The following PLCB1 variants were observed in gnomAD, a reference collection of about 807,000 sequenced individuals.
PLCB1 encodes 1-phosphatidylinositol 4,5-bisphosphate phosphodiesterase beta-1.
In PLCB1, 46 loss-of-function variants were observed where a neutral mutation model predicts 161.8. The observed-to-expected ratio is 0.28, with a 90% CI of 0.22 to 0.36. PLCB1 has a LOEUF of 0.36. Among genes scored for constraint, PLCB1 ranks in the 10% least tolerant of loss-of-function variants. The pLI is 1.00. For missense variants in PLCB1, 1,016 were observed against 1,472.5 expected (o/e 0.69, Z 5.07); for synonymous variants, 517 against 503.7 (o/e 1.03, Z -0.35).
intron 3 of PLCB1, among the ~76,000 whole-genome samples, chr20:8,553,643 A>G (rs991113097): frequency 1.3e-5 from 2 of 152,142 alleles, no homozygotes; most frequent in African/African-American, 2.4e-5. Context: ...AAGACTGAAA[A>G]ATCAAGTAAA....
chr20:8,476,435 C>T (rs994462489), intron 3 of PLCB1, among the ~76,000 whole-genome samples: 1 of 150,414 alleles, frequency 6.6e-6, no homozygotes, highest in Admixed American at 6.6e-5. Context: ...AATTTTACCT[C>T]GCTAAAACAA....
chr20:8,512,006 C>T (rs936077100), intron 3 of PLCB1, among the ~76,000 whole-genome samples: 6 of 152,002 alleles, frequency 3.9e-5, no homozygotes, highest in Non-Finnish European at 7.4e-5. Flanking sequence ...GACAGTCGCA[C>T]GTTACCACCT....
chr20:8,739,070 T>G (rs1157979466), intron 20 of PLCB1, among the ~76,000 whole-genome samples, 191 bp from the exon 21 acceptor site: 1 of 152,210 alleles, frequency 6.6e-6, no homozygotes, highest in African/African-American at 2.4e-5. Flanking sequence ...GAGAATGGCT[T>G]GAACCCAGAG....
chr20:8,216,505 CAG>C (rs1414667378), intron 2 of PLCB1, among the ~76,000 whole-genome samples: 2 of 152,086 alleles, frequency 1.3e-5, no homozygotes, highest in African/African-American at 4.8e-5. Context: ...ACTTCTAAAA[CAG>C]AGGCAGAGTT....
intron 4 of PLCB1, among the ~76,000 whole-genome samples, chr20:8,644,604 G>A (rs1242527727): frequency 1.3e-5 from 2 of 150,322 alleles, no homozygotes; most frequent in Non-Finnish European, 3.0e-5. Context: ...CCTGGCAGCT[G>A]CCCTGTCTGA....
chr20:8,661,037 G>A (rs1174678426), intron 9 of PLCB1, among the ~76,000 whole-genome samples: 4 of 152,102 alleles, frequency 2.6e-5, no homozygotes, highest in African/African-American at 9.7e-5. Flanking sequence ...AAAGCATTTG[G>A]AAAGAAGAAT....
intron 2 of PLCB1, among the ~76,000 whole-genome samples, chr20:8,151,704 T>A (rs542451561): frequency 6.6e-6 from 1 of 152,292 alleles, no homozygotes; most frequent in East Asian, 1.9e-4. Flanking sequence ...TAAAGGATAT[T>A]TTTAGAACTG....
At chr20:8,663,284 A>G (rs941358354) in intron 9 of PLCB1, among the ~76,000 whole-genome samples, 3 of 152,010 alleles carry the variant, frequency 2.0e-5, no homozygotes, top group African/African-American at 4.8e-5. Flanking sequence ...ATCAATAAAC[A>G]TATCTTAAAG....
intron 3 of PLCB1, among the ~76,000 whole-genome samples, chr20:8,566,195 C>T (rs990348914): frequency 6.6e-6 from 1 of 152,114 alleles, no homozygotes; most frequent in Non-Finnish European, 1.5e-5. Context: ...CTACTATCTA[C>T]TTAGGTATTG....
intron 2 of PLCB1, among the ~76,000 whole-genome samples, chr20:8,260,120 G>T (rs1398087026): frequency 7.0e-6 from 1 of 143,754 alleles, no homozygotes; most frequent in East Asian, 2.0e-4. Flanking sequence ...AGACAGTGTT[G>T]CCCAGACTGG....
intron 9 of PLCB1, among the ~76,000 whole-genome samples, chr20:8,681,780 C>A (rs1210235407): frequency 6.6e-6 from 1 of 152,146 alleles, no homozygotes; most frequent in East Asian, 1.9e-4. Flanking sequence ...GCAAATATTA[C>A]AAATTTCATA....
chr20:8,478,901 A>G (rs1018294136), intron 3 of PLCB1, among the ~76,000 whole-genome samples: 2 of 152,180 alleles, frequency 1.3e-5, no homozygotes, highest in African/African-American at 2.4e-5. Flanking sequence ...TGTAAACTTC[A>G]TTCATTATAC....
intron 3 of PLCB1, among the ~76,000 whole-genome samples, chr20:8,523,145 A>G (rs985821579): frequency 6.6e-6 from 1 of 151,996 alleles, no homozygotes. Flanking sequence ...ATCCTTGGAC[A>G]AAGGGGGTAG....
intron 3 of PLCB1, among the ~76,000 whole-genome samples, chr20:8,626,320 T>C (rs2123211718): frequency 6.6e-6 from 1 of 152,276 alleles, no homozygotes; most frequent in South Asian, 2.1e-4. Flanking sequence ...TGTTTTCTAC[T>C]CTGAGCACCT....
intron 10 of PLCB1, among the ~76,000 whole-genome samples, chr20:8,694,958 C>T (rs528566355): frequency 2.9e-4 from 44 of 152,288 alleles, no homozygotes; most frequent in African/African-American, 1.0e-3. Flanking sequence ...TTTGTCTTTT[C>T]CCCTTTACTC....
At chr20:8,821,075 C>T (rs1985325540) in intron 31 of PLCB1, among the ~76,000 whole-genome samples, 1 of 152,034 alleles carries the variant, frequency 6.6e-6, no homozygotes, top group South Asian at 2.1e-4. Flanking sequence ...GGTGTTTATG[C>T]TTCAATGTTC....
chr20:8,704,984 C>CTTTTTTTTTTTTTT lies in PLCB1; in HGVS notation c.1168-3673_1168-3672insTTTTTTTTTTTTTT, dbSNP rs368791318. 1.0e-4 allele frequency among the ~76,000 whole-genome samples: 12 copies of CTTTTTTTTTTTTTT among 118,800 alleles called. 1 individual carries two copies. Among genetic ancestry groups the CTTTTTTTTTTTTTT allele is most frequent in the African/African-American group, 3.3e-4 (10 of 30,148 alleles). The allele number at this position is 118,800 out of a possible 152,430, so 77.9% of individuals were successfully genotyped here. A position where few individuals can be genotyped will look rare whatever the true frequency, so the allele number is the denominator to read the frequency against. ...CAGAAACAGCAAATTCTCCTTTACT[C>CTTTTTTTTTTTTTT]TTTTTTTTTTTTTCCTATTCAGGCT... On this transcript the variant is annotated intron_variant, in intron 11 of 31. Transcript: ENST00000338037.
At chr20:8,335,776 G>A (rs74574983) in intron 2 of PLCB1, among the ~76,000 whole-genome samples, 812 of 152,336 alleles carry the variant, frequency 5.3e-3, no homozygotes, top group African/African-American at 0.018. Flanking sequence ...CATCTGTAAC[G>A]CTGCAGAAGC....
At chr20:8,680,650 C>T (rs1032218900) in intron 9 of PLCB1, among the ~76,000 whole-genome samples, 2 of 152,124 alleles carry the variant, frequency 1.3e-5, no homozygotes, top group Non-Finnish European at 1.5e-5. Context: ...TGGTAGTCTA[C>T]AATCATATTC....
Sources: allele counts gnomAD v4.1 joint callset (sites outside exome capture counted in the v4.1 genomes callset), GRCh38; gene constraint gnomAD v4.1.1; transcripts MANE v1.5; gene names NCBI Gene and HGNC (gene_info 2026-07-23, HGNC 2026-07-21).